The following RNF24 variants were observed in gnomAD, a reference collection of about 807,000 sequenced individuals.
RNF24 encodes ring finger protein 24.
A neutral mutation model predicts 20.0 loss-of-function variants in RNF24; 14 were observed. The observed-to-expected ratio is 0.70, with a 90% CI of 0.46 to 1.10. The LOEUF (loss-of-function observed/expected upper bound fraction) is 1.10. Among genes scored for constraint, RNF24 ranks in the 50% least tolerant of loss-of-function variants. RNF24 has a pLI of 0.00. For synonymous variants in RNF24, 45 were observed against 61.1 expected (o/e 0.74, Z 1.23); for missense variants, 124 against 177.6 (o/e 0.70, Z 1.71).
intron 1 of RNF24, among the ~76,000 whole-genome samples, chr20:3,977,722 G>A (rs950203904): frequency 7.2e-5 from 11 of 151,976 alleles, no homozygotes; most frequent in African/African-American, 2.4e-4. Context: ...AAAATTAGCC[G>A]GATGTGGTGG....
chr20:3,947,679 T>C (rs2091035131), intron 3 of RNF24, among the ~76,000 whole-genome samples: 1 of 152,252 alleles, frequency 6.6e-6, no homozygotes, highest in South Asian at 2.1e-4. Context: ...CATTTCTCTT[T>C]AGCAATCTGT....
chr20:3,977,517 T>C (rs1261155677), intron 1 of RNF24, among the ~76,000 whole-genome samples: 1 of 151,920 alleles, frequency 6.6e-6, no homozygotes, highest in Non-Finnish European at 1.5e-5. Context: ...AATAAAATGG[T>C]AGGAACAAAA....
chr20:3,989,233 T>C (rs1432431927), intron 1 of RNF24, among the ~76,000 whole-genome samples: 1 of 152,186 alleles, frequency 6.6e-6, no homozygotes, highest in East Asian at 1.9e-4. Flanking sequence ...GGCTCACGCC[T>C]GTAATCCCAG....
chr20:4,009,408 A>G (rs553302451), intron 1 of RNF24, among the ~76,000 whole-genome samples: 13 of 152,286 alleles, frequency 8.5e-5, no homozygotes, highest in African/African-American at 3.1e-4. Context: ...GAGGGCAAAA[A>G]TGCTAAAGCT....
intron 1 of RNF24, among the ~76,000 whole-genome samples, chr20:4,005,030 A>G (rs906329822): frequency 2.0e-5 from 3 of 152,232 alleles, no homozygotes; most frequent in Non-Finnish European, 4.4e-5. Flanking sequence ...GTGCCAGTAC[A>G]GGATAACATC....
At chr20:3,965,275 T>A (rs1374352452) in intron 1 of RNF24, among the ~76,000 whole-genome samples, 1 of 152,222 alleles carries the variant, frequency 6.6e-6, no homozygotes, top group Non-Finnish European at 1.5e-5. Context: ...CATGGTAAAT[T>A]AAAAATGTGT....
Position 3,982,103 on chromosome 20 carries a change from GTCTCTCTCTCTCTC to G in RNF24, c.-7-18093_-7-18080del, listed in dbSNP as rs34868373. On this transcript the variant is annotated intron_variant, in intron 1 of 5. Transcript: ENST00000358395. ...AGCCTGGGCAACAGGGTGAGACCTC[GTCTCTCTCTCTCTC>G]TCTCTCTCTCTCTCTCTCAATAAAT... Among the ~76,000 whole-genome samples, 223 of 137,118 alleles carry G rather than the reference GTCTCTCTCTCTCTC, an allele frequency of 1.6e-3. 3 individuals are homozygous for G. The highest frequency in any genetic ancestry group is 4.4e-4 in the Non-Finnish European group (28 of 64,128). 90.0% of individuals were successfully genotyped at this position (137,118 alleles called of 152,430 possible).
chr20:4,012,282 T>C (rs1982519457), intron 1 of RNF24, among the ~76,000 whole-genome samples: 1 of 151,940 alleles, frequency 6.6e-6, no homozygotes, highest in Admixed American at 6.6e-5. Context: ...CCAGGCGTGG[T>C]GGCCAGTGCC....
chr20:3,968,704 A>C lies in RNF24; in HGVS notation c.-7-4680T>G, dbSNP rs1381287930. Among the ~76,000 whole-genome samples, 3 of 152,222 alleles carry C rather than the reference A, an allele frequency of 2.0e-5. No homozygotes were observed. In the South Asian group the frequency reaches 6.2e-4, roughly 31 times the overall value. ...TATGACCACATGAAACACCTTCTGC[A>C]AAATCTTTTCTTGAGTGGGTGGATG... On this transcript the variant is annotated intron_variant, in intron 1 of 5. Transcript: ENST00000358395.
chr20:3,935,783 C>T (rs991584434), intron 4 of RNF24, among the ~76,000 whole-genome samples: 1 of 152,234 alleles, frequency 6.6e-6, no homozygotes, highest in African/African-American at 2.4e-5. Flanking sequence ...CCATGTGTCA[C>T]CACACTGACC....
chr20:3,962,323 C>T (rs2091210631), intron 2 of RNF24, among the ~76,000 whole-genome samples: 1 of 152,094 alleles, frequency 6.6e-6, no homozygotes, highest in Non-Finnish European at 1.5e-5. Context: ...CACTGCACTC[C>T]AACCTAGGTA....
At chr20:3,976,570 CAACACA>C (rs1300637216) in intron 1 of RNF24, among the ~76,000 whole-genome samples, 31 of 152,176 alleles carry the variant, frequency 2.0e-4, no homozygotes, top group Admixed American at 1.8e-3. Context: ...ATACAAACCT[CAACACA>C]AATGTTCATA....
chr20:3,948,020 T>C (rs2146961359), intron 3 of RNF24, among the ~76,000 whole-genome samples: 1 of 149,396 alleles, frequency 6.7e-6, no homozygotes, highest in South Asian at 2.1e-4. Context: ...CACTCCAGCC[T>C]GGGCAACAAG....
At position 3,958,729 on chromosome 20, in the gene RNF24, C is replaced by T. The variant is rs147342854; in HGVS notation, c.143+5146G>A. ...CAATCTCAGCTCAATGCAACCTCCA[C>T]CTTCTGGGTTCAAGCGATTCTCCTG... On this transcript the variant is annotated intron_variant, in intron 2 of 5. Transcript: ENST00000358395. 4.5e-3 allele frequency among the ~76,000 whole-genome samples: 688 copies of T among 152,300 alleles called. 14 individuals are homozygous for T. The highest frequency in any genetic ancestry group is 0.029 in the Admixed American group (450 of 15,296).
intron 1 of RNF24, among the ~76,000 whole-genome samples, chr20:3,973,500 C>CAAAAAAAAAAAAA (rs56824542): frequency 3.8e-4 from 38 of 101,098 alleles, no homozygotes; most frequent in East Asian, 1.3e-3. Flanking sequence ...GGAAGAATGA[C>CAAAAAAAAAAAAA]AAAAAAAAAA....
At chr20:3,987,159 C>G (rs1219743412) in intron 1 of RNF24, among the ~76,000 whole-genome samples, 45 of 152,180 alleles carry the variant, frequency 3.0e-4, no homozygotes, top group African/African-American at 1.0e-3. Flanking sequence ...GATGGCAGCA[C>G]TCTTAGGAAT....
At chr20:3,987,499 G>A (rs1254936350) in intron 1 of RNF24, among the ~76,000 whole-genome samples, 3 of 152,106 alleles carry the variant, frequency 2.0e-5, no homozygotes, top group Non-Finnish European at 4.4e-5. Flanking sequence ...ATCTGCAGAT[G>A]TTTAATTTTA....
At chr20:4,001,123 C>G (rs568533493) in intron 1 of RNF24, among the ~76,000 whole-genome samples, 70 of 152,078 alleles carry the variant, frequency 4.6e-4, no homozygotes, top group African/African-American at 1.5e-3. Flanking sequence ...AAAAATTAGC[C>G]GGGCGTGGTG....
At position 3,931,243 on chromosome 20, in the gene RNF24, C is replaced by T. The variant is rs2090817929; in HGVS notation, c.*2820G>A. The T allele has an allele frequency of 6.6e-6, 1 of 152,202 alleles. No individual in the cohort carries two copies. The highest frequency in any genetic ancestry group is 6.5e-5 in the Admixed American group (1 of 15,268). The allele number at this position is 152,202 out of a possible 1,614,324, so 9.4% of individuals were successfully genotyped here. A position where few individuals can be genotyped will look rare whatever the true frequency, so the allele number is the denominator to read the frequency against. Reference sequence around the variant, plus strand: ...TTAAGAAACACACAAAGGATACCAGCCAGTGGTCCAAGAGCAGACCAGAAT... The same window carrying T: ...TTAAGAAACACACAAAGGATACCAGTCAGTGGTCCAAGAGCAGACCAGAAT... On this transcript the variant is annotated 3_prime_UTR_variant, in exon 6 of 6. Transcript: ENST00000358395.
Sources: gnomAD v4.1 joint callset for allele counts (sites outside exome capture counted in the v4.1 genomes callset) on GRCh38, gnomAD v4.1.1 for gene constraint, MANE v1.5 for transcripts, NCBI Gene and HGNC (gene_info 2026-07-23, HGNC 2026-07-21) for gene names.